The following ANGEL1 variants were observed in gnomAD, a reference collection of about 807,000 sequenced individuals.
ANGEL1 encodes the protein RNA 2',3'-cyclic phosphatase ANGEL1.
Under a neutral mutation model 76.4 loss-of-function variants are expected in ANGEL1, and 62 were observed. That is an observed-to-expected ratio of 0.81 (90% CI 0.66 to 1.00). The LOEUF (loss-of-function observed/expected upper bound fraction) is 1.00, where lower values mean the gene tolerates loss of function less well. Among genes scored for constraint, ANGEL1 ranks in the 50% least tolerant of loss-of-function variants. ANGEL1 has a pLI of 0.00. For synonymous variants in ANGEL1, 340 were observed against 331.7 expected (o/e 1.03, Z -0.27); for missense variants, 737 against 836.7 (o/e 0.88, Z 1.47).
rs1163347300 is a variant in ANGEL1 at position 76,786,588 on chromosome 14, G to C, written c.*2640C>G. 6.6e-6 allele frequency: 1 copy of C among 152,200 alleles called. No individual in the cohort carries two copies. The highest frequency in any genetic ancestry group is 1.5e-5 in the Non-Finnish European group (1 of 68,068). 9.4% of individuals were successfully genotyped at this position (152,200 alleles called of 1,614,324 possible). A position where few individuals can be genotyped will look rare whatever the true frequency, so the allele number is the denominator to read the frequency against. On this transcript the variant is annotated 3_prime_UTR_variant, in exon 10 of 10. Coordinates refer to ENST00000251089, the MANE Select transcript of ANGEL1 (RefSeq NM_015305.4). ...ATTCAGAGGCCTGGTGTGGGTTCTG[G>C]GAACCTGTTCAGGTAAGACAGAAAA... is the stretch of plus-strand genomic sequence containing the variant.
rs528081495 is a variant in ANGEL1, at chr14:76,796,943, C to A, written c.1619-5577G>T. Among the ~76,000 whole-genome samples the A allele has an allele frequency of 1.6e-4, 25 of 152,244 alleles. No homozygotes were observed. The South Asian group carries it at 5.0e-3, about 30-fold the overall frequency. On this transcript the variant is annotated intron_variant, in intron 7 of 9. Coordinates refer to ENST00000251089, the MANE Select transcript of ANGEL1 (RefSeq NM_015305.4). ...ACAATATGCCACACACACACACACACAAAATCACAGTGACCTGCAGGATCT... is the reference window on the plus strand; with the variant it reads ...ACAATATGCCACACACACACACACAAAAAATCACAGTGACCTGCAGGATCT...
At position 76,808,000 on chromosome 14, in the gene ANGEL1, T is replaced by C; in HGVS notation, c.798A>G (p.Leu266=). 6.2e-7 allele frequency: 1 copy of C among 1,614,194 alleles called. No homozygotes were observed. Among genetic ancestry groups the C allele is most frequent in the Non-Finnish European group, 8.5e-7 (1 of 1,180,036 alleles). ...AATTGAGGATGTCTGGATGGCAATGTAGATAGAGCTCTGAGCTCTGCTGCA... is the reference window on the plus strand; with the variant it reads ...AATTGAGGATGTCTGGATGGCAATGCAGATAGAGCTCTGAGCTCTGCTGCA... ...DLMQQSSELY[L]HCHPDILNWN... The change falls in exon 3 of 10, where the codon CTA becomes CTG. Residue 266 remains leucine, a synonymous_variant. Transcript: ENST00000251089.
chr14:76,806,634 C>T lies in ANGEL1; in HGVS notation c.1162G>A (p.Val388Met), dbSNP rs1272331660. 1 of 1,611,706 alleles carries T rather than the reference C, an allele frequency of 6.2e-7. No homozygotes were observed. Among genetic ancestry groups the T allele is most frequent in the Admixed American group, 1.7e-5 (1 of 59,796 alleles). Residue 388 changes from valine (V) to methionine (M), a missense_variant, in exon 5 of 10, where the codon GTG becomes ATG. This residue lies in a region of ANGEL1 where 296 missense variants were observed against 387.2 expected (regional missense o/e 0.76). Coordinates refer to ENST00000251089, the MANE Select transcript of ANGEL1 (RefSeq NM_015305.4). ...TTGTAAAGGATATGGGTATTTGCCACACACAGCGGGGCCACCGAGACTTGT... is the reference window on the plus strand; with the variant it reads ...TTGTAAAGGATATGGGTATTTGCCATACACAGCGGGGCCACCGAGACTTGT... ...LGQVSVAPLC[V>M]ANTHILYNPR...
intron 3 of ANGEL1, 127 bp from the exon 4 acceptor site, chr14:76,807,629 AG>A: frequency 1.1e-6 from 1 of 872,770 alleles, no homozygotes; most frequent in Non-Finnish European, 1.8e-6. Flanking sequence ...AGTCACCAAC[AG>A]CAAGAACAGG....
intron 7 of ANGEL1, among the ~76,000 whole-genome samples, chr14:76,800,985 A>G (rs960877809): frequency 6.6e-6 from 1 of 152,098 alleles, no homozygotes; most frequent in Non-Finnish European, 1.5e-5. Context: ...AAAAAAAAAA[A>G]AGTCTGAGGT....
intron 7 of ANGEL1, among the ~76,000 whole-genome samples, chr14:76,794,670 CAAAA>C (rs71122578): frequency 0.093 from 8,986 of 97,136 alleles, 326 homozygotes; most frequent in Non-Finnish European, 0.11. Context: ...GACTCCATCT[CAAAA>C]AAAAAAAAAA....
chr14:76,800,820 A>C (rs1894738576), intron 7 of ANGEL1, among the ~76,000 whole-genome samples: 1 of 152,076 alleles, frequency 6.6e-6, no homozygotes, highest in Non-Finnish European at 1.5e-5. Context: ...AAAATACAAA[A>C]AAATTAGCCG....
At chr14:76,790,864 A>T in intron 8 of ANGEL1, 90 bp from the exon 9 acceptor site, 1 of 1,439,324 alleles carries the variant, frequency 6.9e-7, no homozygotes, top group Non-Finnish European at 9.2e-7. Flanking sequence ...AAGATTTTTT[A>T]AAAGGATGAT....
In ANGEL1 at chr14:76,789,184, G is replaced by C. The variant is rs528167839; in HGVS notation, c.*44C>G. Reference sequence around the variant, plus strand: ...GGATTTTTCCACAGTCTCTGATCCAGTGAGCTCTTCTGGAAGAGAAGCTCT... The same window carrying C: ...GGATTTTTCCACAGTCTCTGATCCACTGAGCTCTTCTGGAAGAGAAGCTCT... On this transcript the variant is annotated 3_prime_UTR_variant, in exon 10 of 10. Coordinates refer to ENST00000251089, the MANE Select transcript of ANGEL1 (RefSeq NM_015305.4). 3.1e-6 allele frequency: 5 copies of C among 1,608,728 alleles called. No homozygotes were observed. Among genetic ancestry groups the C allele is most frequent in the Admixed American group, 3.4e-5 (2 of 59,034 alleles).
At chr14:76,798,185 G>A (rs4903492) in intron 7 of ANGEL1, among the ~76,000 whole-genome samples, 61,507 of 151,086 alleles carry the variant, frequency 0.41, 12,926 homozygotes, top group Middle Eastern at 0.49. Flanking sequence ...AGTGCAGTAG[G>A]GCAATCATAA....
At chr14:76,792,348 C>A (rs1304255495) in intron 7 of ANGEL1, among the ~76,000 whole-genome samples, 1 of 152,082 alleles carries the variant, frequency 6.6e-6, no homozygotes, top group East Asian at 1.9e-4. Context: ...TCATACAAAT[C>A]CTTCACAAAC....
rs976218366 is a variant in ANGEL1, at chr14:76,804,866, C to T, written c.1381-954G>A. On this transcript the variant is annotated intron_variant, in intron 5 of 9. Coordinates refer to ENST00000251089, the MANE Select transcript of ANGEL1 (RefSeq NM_015305.4). ...CTCTACTAAACATACAAAAATCAGC[C>T]GAGCATGGTGGCACACACCTGTAAT... Among the ~76,000 whole-genome samples, 5 of 151,994 alleles carry T rather than the reference C, an allele frequency of 3.3e-5. No individual in the cohort carries two copies. In the East Asian group the frequency reaches 9.6e-4, roughly 29 times the overall value.
intron 7 of ANGEL1, among the ~76,000 whole-genome samples, chr14:76,799,766 T>C (rs1894704440): frequency 6.6e-6 from 1 of 152,036 alleles, no homozygotes; most frequent in South Asian, 2.1e-4. Flanking sequence ...TAGCTGGGCA[T>C]GGTATCATGT....
chr14:76,808,929 G>A (rs1382517683), intron 2 of ANGEL1, 130 bp downstream of exon 2: 3 of 878,028 alleles, frequency 3.4e-6, no homozygotes, highest in Non-Finnish European at 3.4e-6. Context: ...GATCTGACAT[G>A]CCAAGATTCT....
rs1329626194 is a variant in ANGEL1 at position 76,804,454 on chromosome 14, A to C, written c.1381-542T>G. On this transcript the variant is annotated intron_variant, in intron 5 of 9. Coordinates refer to ENST00000251089, the MANE Select transcript of ANGEL1 (RefSeq NM_015305.4). ...AAACGTAGTAGGGGAAACATTCGGCAACATCAGTCATCTGCACATCTCCAA... is the reference window on the plus strand; with the variant it reads ...AAACGTAGTAGGGGAAACATTCGGCCACATCAGTCATCTGCACATCTCCAA... The C allele has an allele frequency of 3.0e-6, 3 of 992,788 alleles. No individual in the cohort carries two copies. The African/African-American group carries it at 5.2e-5, about 17-fold the overall frequency. 61.5% of individuals were successfully genotyped at this position (992,788 alleles called of 1,614,324 possible).
chr14:76,812,507 C>T, intron 1 of ANGEL1: 8 of 1,241,574 alleles, frequency 6.4e-6, no homozygotes, highest in Non-Finnish European at 7.1e-6. Context: ...CTCCTCTCCA[C>T]CTTAACCGCG....
chr14:76,806,615 A>G lies in ANGEL1; in HGVS notation c.1181T>C (p.Leu394Pro), dbSNP rs531668965. The G allele has an allele frequency of 6.2e-7, 1 of 1,614,112 alleles. No individual in the cohort carries two copies. The highest frequency in any genetic ancestry group is 2.2e-5 in the East Asian group (1 of 44,874). The change falls in exon 5 of 10, where the codon CTT (leucine) becomes CCT (proline). Residue 394 changes from leucine to proline, a missense_variant. By Grantham distance (98) the Leu-to-Pro change is moderately conservative. This residue lies in a region of ANGEL1 where 296 missense variants were observed against 387.2 expected (regional missense o/e 0.76). Transcript: ENST00000251089. ...APLCVANTHI[L>P]YNPRRGDVKL... The stretch of plus-strand genomic sequence containing the variant: ...GACATCGCCCCGGCGTGGGTTGTAA[A>G]GGATATGGGTATTTGCCACACACAG...
intron 7 of ANGEL1, among the ~76,000 whole-genome samples, chr14:76,796,063 T>G (rs1894567231): frequency 6.6e-6 from 1 of 152,078 alleles, no homozygotes; most frequent in African/African-American, 2.4e-5. Context: ...TCTATTAATA[T>G]AACTCTATGA....
At chr14:76,811,744 C>T in intron 1 of ANGEL1, among the ~76,000 whole-genome samples, 2 of 152,288 alleles carry the variant, frequency 1.3e-5, no homozygotes, top group East Asian at 3.9e-4. Flanking sequence ...TGAGTGCCTA[C>T]TGTATACCAA....
Sources: gnomAD v4.1 joint callset for allele counts (sites outside exome capture counted in the v4.1 genomes callset) on GRCh38, gnomAD v4.1.1 for gene constraint, gnomAD v4.1.1 regional missense constraint, MANE v1.5 for transcripts, NCBI Gene and HGNC (gene_info 2026-07-23, HGNC 2026-07-21) for gene names.